The following TRIO variants were observed in gnomAD, a reference collection of about 807,000 sequenced individuals.
TRIO encodes trio Rho guanine nucleotide exchange factor.
A neutral mutation model predicts 351.9 loss-of-function variants in TRIO; 58 were observed. The observed-to-expected ratio is 0.16, with a 90% CI of 0.13 to 0.21. TRIO has a LOEUF of 0.21. TRIO is among the 10% of genes least tolerant of loss of function. The pLI is 1.00. For missense variants in TRIO, 3,201 were observed against 4,027.8 expected (o/e 0.79, Z 5.56); for synonymous variants, 1,758 against 1,595.7 (o/e 1.10, Z -2.42).
intron 11 of TRIO, among the ~76,000 whole-genome samples, chr5:14,355,348 T>G (rs1482908737): frequency 6.6e-6 from 1 of 152,238 alleles, no homozygotes; most frequent in Non-Finnish European, 1.5e-5. Flanking sequence ...TTTAAGTCCA[T>G]CCTTATAACC....
chr5:14,376,080 T>C (rs1376462769), intron 19 of TRIO, among the ~76,000 whole-genome samples: 1 of 152,160 alleles, frequency 6.6e-6, no homozygotes, highest in African/African-American at 2.4e-5. Context: ...TCAATAAATT[T>C]GGGGTTCATT....
At position 14,387,711 on chromosome 5, in the gene TRIO, A is replaced by G. The variant is rs377271034; in HGVS notation, c.3766-21A>G. The G allele has an allele frequency of 1.2e-4, 201 of 1,612,788 alleles. No individual in the cohort carries two copies. The African/African-American group carries it at 2.5e-3, about 20-fold the overall frequency. ...TCTGCTGATTTAATTAACTGAGTTC[A>G]TTGGCTCTGTTATTCCACAGAGTAA... On this transcript the variant is annotated intron_variant, in intron 22 of 56. Coordinates refer to ENST00000344204, the MANE Select transcript of TRIO (RefSeq NM_007118.4).
At chr5:14,454,954 G>A (rs890590924) in intron 34 of TRIO, among the ~76,000 whole-genome samples, 2 of 151,948 alleles carry the variant, frequency 1.3e-5, no homozygotes, top group Admixed American at 6.6e-5. Context: ...CGCGGTGAGT[G>A]TTACAGCGCT....
intron 9 of TRIO, among the ~76,000 whole-genome samples, chr5:14,326,356 G>T (rs1420347987): frequency 6.6e-6 from 1 of 151,006 alleles, no homozygotes; most frequent in African/African-American, 2.5e-5. Context: ...TAAACATTCT[G>T]AACAGCTTTC....
chr5:14,283,429 A>C (rs1489706119), intron 3 of TRIO, among the ~76,000 whole-genome samples: 1 of 152,154 alleles, frequency 6.6e-6, no homozygotes, highest in African/African-American at 2.4e-5. Flanking sequence ...CTTCACTTTC[A>C]TTGCTTTCCT....
chr5:14,358,150 G>T, intron 11 of TRIO, 28 bp from the exon 12 acceptor site: 1 of 1,599,916 alleles, frequency 6.3e-7, no homozygotes, highest in Non-Finnish European at 8.5e-7. Flanking sequence ...CAGGCCGGCC[G>T]GCCTCACCCC....
intron 31 of TRIO, among the ~76,000 whole-genome samples, chr5:14,403,212 TGCAG>T (rs1748276691): frequency 1.1e-5 from 1 of 94,834 alleles, no homozygotes; most frequent in African/African-American, 4.3e-5. Context: ...GTGGTGAGGG[TGCAG>T]GTTGTGGTGA....
chr5:14,411,384 A>G (rs1445646051), intron 33 of TRIO, among the ~76,000 whole-genome samples: 6 of 152,210 alleles, frequency 3.9e-5, no homozygotes, highest in Non-Finnish European at 2.9e-5. Context: ...TGAGGCCAAC[A>G]TGGAAAAATG....
rs1756080198 is a variant in TRIO, at chr5:14,487,839, G to A, written c.7211G>A (p.Arg2404Gln). ...GGCGCGGACGCCGAGGGGTCCGAGC[G>A]AGAAGCGGAGCCGATCCCCAAGATG... ...PPGADAEGSE[R>Q]EAEPIPKMKV... Residue 2404 changes from arginine to glutamine, a missense_variant, in exon 48 of 57, where the codon CGA (arginine) becomes CAA (glutamine). Transcript: ENST00000344204. The A allele has an allele frequency of 6.6e-7, 1 of 1,518,922 alleles. No homozygotes were observed. The highest frequency in any genetic ancestry group is 1.2e-5 in the South Asian group (1 of 81,648). The allele number at this position is 1,518,922 out of a possible 1,614,324, so 94.1% of individuals were successfully genotyped here.
At chr5:14,159,331 AAAAAAG>A (rs1013344073) in intron 1 of TRIO, among the ~76,000 whole-genome samples, 4 of 152,110 alleles carry the variant, frequency 2.6e-5, no homozygotes, top group Admixed American at 6.5e-5. Context: ...CAAAAAAAAA[AAAAAAG>A]AGAGAGAGAC....
intron 1 of TRIO, among the ~76,000 whole-genome samples, chr5:14,177,301 T>G (rs1789465969): frequency 6.6e-6 from 1 of 152,246 alleles, no homozygotes; most frequent in Non-Finnish European, 1.5e-5. Context: ...TTTTAAATTT[T>G]TTTTGGTAAT....
chr5:14,478,813 T>C (rs13354301), intron 41 of TRIO, among the ~76,000 whole-genome samples: 4,556 of 149,756 alleles, frequency 0.03, 247 homozygotes, highest in African/African-American at 0.11. Flanking sequence ...AAATTAAAAA[T>C]TAGCCGGGCA....
At chr5:14,403,471 TGTGGTGAGGGTGCAGGTGGTG>T (rs1748356215) in intron 31 of TRIO, among the ~76,000 whole-genome samples, 3 of 29,792 alleles carry the variant, frequency 1.0e-4, no homozygotes, top group Admixed American at 3.9e-4. Flanking sequence ...GGGTGCAGGT[TGTGGTGAGGGTGCAGGTGGTG>T]GTGGTGAGGG....
intron 1 of TRIO, among the ~76,000 whole-genome samples, chr5:14,168,156 C>T (rs1788885409): frequency 6.6e-6 from 1 of 152,172 alleles, no homozygotes; most frequent in South Asian, 2.1e-4. Flanking sequence ...TGGCGGTGTT[C>T]ACAGGTGTAA....
At chr5:14,258,478 T>G (rs1315236360) in intron 1 of TRIO, among the ~76,000 whole-genome samples, 1 of 152,168 alleles carries the variant, frequency 6.6e-6, no homozygotes, top group Non-Finnish European at 1.5e-5. Flanking sequence ...TGCTTTTTAG[T>G]AGATAAGATA....
intron 38 of TRIO, 92 bp from the exon 39 acceptor site, chr5:14,472,500 C>A: frequency 1.5e-6 from 2 of 1,332,754 alleles, no homozygotes; most frequent in Non-Finnish European, 2.1e-6. Flanking sequence ...ACTATTCAGT[C>A]CTGGAAGGAG....
intron 53 of TRIO, among the ~76,000 whole-genome samples, chr5:14,501,118 G>GA (rs566891130): frequency 6.6e-6 from 1 of 150,878 alleles, no homozygotes; most frequent in Non-Finnish European, 1.5e-5. Context: ...AAAAAAAGAA[G>GA]AAAAAATATT....
chr5:14,328,078 T>C (rs1740551675), intron 9 of TRIO, among the ~76,000 whole-genome samples: 1 of 152,240 alleles, frequency 6.6e-6, no homozygotes, highest in South Asian at 2.1e-4. Context: ...GTTAAAATAA[T>C]GTGCTCAATA....
intron 1 of TRIO, among the ~76,000 whole-genome samples, chr5:14,252,516 G>C (rs1794804217): frequency 6.6e-6 from 1 of 152,150 alleles, no homozygotes; most frequent in African/African-American, 2.4e-5. Context: ...GATCCCCGAG[G>C]GACTTCATCT....
Sources: gnomAD v4.1 joint callset for allele counts (sites outside exome capture counted in the v4.1 genomes callset) on GRCh38, gnomAD v4.1.1 for gene constraint, MANE v1.5 for transcripts, NCBI Gene and HGNC (gene_info 2026-07-23, HGNC 2026-07-21) for gene names.